Variants in RELCH observed in about 807,000 individuals in gnomAD.
RELCH encodes RAB11-binding protein RELCH.
A neutral mutation model predicts 150.3 loss-of-function variants in RELCH; 41 were observed. The observed-to-expected ratio is 0.27, with a 90% CI of 0.21 to 0.35. The LOEUF (loss-of-function observed/expected upper bound fraction) is 0.35, where lower values mean the gene tolerates loss of function less well. Among genes scored for constraint, RELCH ranks in the 10% least tolerant of loss-of-function variants. RELCH has a pLI of 1.00. For synonymous variants in RELCH, 478 were observed against 531.8 expected (o/e 0.90, Z 1.39); for missense variants, 1,092 against 1,467.8 (o/e 0.74, Z 4.18).
At chr18:62,208,100 G>A (rs990479513) in intron 1 of RELCH, among the ~76,000 whole-genome samples, 1 of 152,108 alleles carries the variant, frequency 6.6e-6, no homozygotes, top group African/African-American at 2.4e-5. Flanking sequence ...GATTTGAAAT[G>A]TACCTCATTG....
At chr18:62,198,668 C>T (rs1328384913) in intron 1 of RELCH, among the ~76,000 whole-genome samples, 2 of 152,196 alleles carry the variant, frequency 1.3e-5, no homozygotes, top group African/African-American at 4.8e-5. Flanking sequence ...CTTCCTCCAT[C>T]CTTACTCTTA....
intron 27 of RELCH, among the ~76,000 whole-genome samples, chr18:62,298,006 A>G (rs2045494793): frequency 6.6e-6 from 1 of 152,078 alleles, no homozygotes; most frequent in Admixed American, 6.6e-5. Flanking sequence ...AATACACTAC[A>G]TAATTTACCT....
intron 1 of RELCH, among the ~76,000 whole-genome samples, chr18:62,198,445 T>C (rs2039192695): frequency 6.6e-6 from 1 of 152,222 alleles, no homozygotes; most frequent in Admixed American, 6.5e-5. Context: ...TTCTCACCTA[T>C]TATGTCAAAA....
At chr18:62,222,193 C>A (rs190679765) in intron 5 of RELCH, among the ~76,000 whole-genome samples, 53 of 151,986 alleles carry the variant, frequency 3.5e-4, no homozygotes, top group Admixed American at 1.6e-3. Flanking sequence ...TCCTATAGAT[C>A]CTTTAGCAAA....
intron 1 of RELCH, among the ~76,000 whole-genome samples, chr18:62,200,941 A>G (rs1349884749): frequency 1.4e-5 from 2 of 146,976 alleles, no homozygotes; most frequent in African/African-American, 5.0e-5. Context: ...TCCCACCTTA[A>G]GTGAATAACT....
intron 26 of RELCH, among the ~76,000 whole-genome samples, chr18:62,290,489 C>G (rs1321668459): frequency 6.6e-6 from 1 of 152,132 alleles, no homozygotes; most frequent in Non-Finnish European, 1.5e-5. Flanking sequence ...CAAGATTGTG[C>G]CACTGCACTC....
chr18:62,203,780 A>G (rs890278925), intron 1 of RELCH, among the ~76,000 whole-genome samples: 4 of 152,158 alleles, frequency 2.6e-5, no homozygotes, highest in Non-Finnish European at 5.9e-5. Flanking sequence ...CAGGAATTTA[A>G]CACCAGCCTG....
At chr18:62,263,487 T>C (rs1041633395) in intron 16 of RELCH, among the ~76,000 whole-genome samples, 2 of 151,974 alleles carry the variant, frequency 1.3e-5, no homozygotes, top group African/African-American at 4.8e-5. Flanking sequence ...TTATAATGTA[T>C]TTATTATAAA....
At chr18:62,229,510 G>GTGTT (rs1555725637) in intron 8 of RELCH, among the ~76,000 whole-genome samples, 1 of 149,082 alleles carries the variant, frequency 6.7e-6, no homozygotes, top group Non-Finnish European at 1.5e-5. Context: ...GTGTGTGTGT[G>GTGTT]TGTGTGTGTG....
chr18:62,261,728 TA>T (rs2043283558), intron 16 of RELCH, 70 bp downstream of exon 16: 1 of 1,393,278 alleles, frequency 7.2e-7, no homozygotes, highest in African/African-American at 1.5e-5. Flanking sequence ...AATTGTTTTT[TA>T]TTAAAAGTCT....
At chr18:62,252,803 TAAG>T (rs2042789681) in intron 12 of RELCH, 49 bp downstream of exon 12, 1 of 1,336,610 alleles carries the variant, frequency 7.5e-7, no homozygotes, top group Non-Finnish European at 1.1e-6. Flanking sequence ...CCTGATTTCT[TAAG>T]AAGATACATA....
intron 26 of RELCH, among the ~76,000 whole-genome samples, chr18:62,289,877 G>A (rs2045022955): frequency 6.6e-6 from 1 of 152,150 alleles, no homozygotes; most frequent in South Asian, 2.1e-4. Flanking sequence ...TCTAAGTAGG[G>A]CCATATTCAG....
intron 1 of RELCH, among the ~76,000 whole-genome samples, chr18:62,205,372 C>G (rs1227943216): frequency 6.6e-6 from 1 of 152,182 alleles, no homozygotes; most frequent in African/African-American, 2.4e-5. Context: ...CCTTTCCAGT[C>G]AGTTCCTACC....
At chr18:62,296,339 G>A (rs2145107343) in intron 27 of RELCH, among the ~76,000 whole-genome samples, 1 of 152,324 alleles carries the variant, frequency 6.6e-6, no homozygotes, top group African/African-American at 2.4e-5. Context: ...TGTAATCCCA[G>A]CACTTTGGGA....
intron 11 of RELCH, among the ~76,000 whole-genome samples, chr18:62,249,541 C>A (rs967574965): frequency 1.3e-5 from 2 of 151,996 alleles, no homozygotes; most frequent in Non-Finnish European, 1.5e-5. Flanking sequence ...TTAAAAATAC[C>A]ATTTCCTATC....
Position 62,302,259 on chromosome 18 carries a change from T to C in RELCH, c.3531-3155T>C, listed in dbSNP as rs567889075. On this transcript the variant is annotated intron_variant, in intron 28 of 28. Coordinates refer to ENST00000644646, the MANE Select transcript of RELCH (RefSeq NM_001346231.2). ...CTATTCTGAAGAGGAATATTTAAAA[T>C]GTGAGGCACAGGTAGAGAAACACTA... Among the ~76,000 whole-genome samples, 9 of 152,344 alleles carry C rather than the reference T, an allele frequency of 5.9e-5. No individual in the cohort carries two copies. The South Asian group carries it at 1.2e-3, about 21-fold the overall frequency.
chr18:62,258,150 C>T, intron 14 of RELCH, 62 bp downstream of exon 14: 1 of 1,353,474 alleles, frequency 7.4e-7, no homozygotes, highest in Non-Finnish European at 1.0e-6. Flanking sequence ...TATAATATTC[C>T]AAATCTCTGA....
chr18:62,299,225 G>C (rs765050083), intron 28 of RELCH, among the ~76,000 whole-genome samples: 1 of 152,156 alleles, frequency 6.6e-6, no homozygotes, highest in Non-Finnish European at 1.5e-5. Context: ...GATGAACAAC[G>C]TACTGCATAA....
intron 28 of RELCH, among the ~76,000 whole-genome samples, chr18:62,303,005 T>C (rs2045732702): frequency 6.6e-6 from 1 of 152,180 alleles, no homozygotes; most frequent in Non-Finnish European, 1.5e-5. Flanking sequence ...AAATTATCTT[T>C]TCCTGGATTA....
Sources: gnomAD v4.1 joint callset for allele counts (sites outside exome capture counted in the v4.1 genomes callset) on GRCh38, gnomAD v4.1.1 for gene constraint, MANE v1.5 for transcripts, NCBI Gene and HGNC (gene_info 2026-07-23, HGNC 2026-07-21) for gene names.